Variants in RYR2 observed in about 807,000 individuals in gnomAD.
RYR2 encodes ryanodine receptor 2.
Under a neutral mutation model 601.1 loss-of-function variants are expected in RYR2, and 227 were observed. The observed-to-expected ratio is 0.38, with a 90% confidence interval of 0.34 to 0.42. RYR2 has a LOEUF of 0.42. RYR2 is among the 10% of genes least tolerant of loss of function. RYR2 has a pLI of 1.00. For missense variants in RYR2, 4,646 were observed against 6,156.5 expected, an observed-to-expected ratio of 0.75 and a Z score of 8.21; for synonymous variants, 2,223 against 2,175.1, an observed-to-expected ratio of 1.02 and a Z score of -0.61.
chr1:237,522,327 A>G (rs1304330041), intron 24 of RYR2, among the ~76,000 whole-genome samples: 2 of 152,240 alleles, frequency 1.3e-5, no homozygotes. Flanking sequence ...AAGAAATCTC[A>G]TAATATTTTA....
At chr1:237,377,908 A>G (rs1232861925) in intron 8 of RYR2, among the ~76,000 whole-genome samples, 1 of 152,238 alleles carries the variant, frequency 6.6e-6, no homozygotes, top group Admixed American at 6.5e-5. Context: ...TCTATCATTG[A>G]CACTGCATTG....
intron 33 of RYR2, among the ~76,000 whole-genome samples, chr1:237,594,886 G>GTTTTTTTTTTTTTTTTTTTTT (rs776702428): frequency 1.7e-5 from 1 of 60,418 alleles, no homozygotes; most frequent in Admixed American, 2.3e-4. Flanking sequence ...ATATCACTGG[G>GTTTTTTTTTTTTTTTTTTTTT]TTTTTTTTTT....
intron 29 of RYR2, among the ~76,000 whole-genome samples, chr1:237,574,019 C>G (rs1308154454): frequency 1.3e-5 from 2 of 152,078 alleles, no homozygotes; most frequent in East Asian, 3.9e-4. Context: ...TGGTCAAGAT[C>G]AAGAGCATTG....
intron 61 of RYR2, among the ~76,000 whole-genome samples, chr1:237,678,798 A>T (rs1237343081): frequency 6.6e-6 from 1 of 152,190 alleles, no homozygotes; most frequent in Non-Finnish European, 1.5e-5. Flanking sequence ...GGCCATGAAT[A>T]TACAAATGCC....
intron 42 of RYR2, among the ~76,000 whole-genome samples, chr1:237,632,799 C>A (rs775049824): frequency 3.9e-5 from 6 of 152,034 alleles, no homozygotes; most frequent in Non-Finnish European, 7.4e-5. Context: ...ATTTTATAAC[C>A]TCTGATATGA....
chr1:237,799,817 G>T (rs936034383), intron 97 of RYR2, among the ~76,000 whole-genome samples: 1 of 152,148 alleles, frequency 6.6e-6, no homozygotes, highest in East Asian at 1.9e-4. Context: ...CTCCATTCCT[G>T]GGGGTGGAAT....
At chr1:237,189,345 A>T (rs1679715445) in intron 1 of RYR2, among the ~76,000 whole-genome samples, 1 of 152,212 alleles carries the variant, frequency 6.6e-6, no homozygotes, top group Non-Finnish European at 1.5e-5. Context: ...AGCTATTGTG[A>T]ATCATGCTGC....
At chr1:237,828,478 G>T in intron 102 of RYR2, 33 bp downstream of exon 102, 4 of 1,447,602 alleles carry the variant, frequency 2.8e-6, no homozygotes, top group Non-Finnish European at 3.8e-6. Flanking sequence ...CAGCTTCTTT[G>T]TTGTCCTGGG....
chr1:237,313,140 TGTAA>T (rs1338863685), intron 2 of RYR2, among the ~76,000 whole-genome samples: 3 of 151,658 alleles, frequency 2.0e-5, no homozygotes, highest in Non-Finnish European at 2.9e-5. Context: ...AAATAAGATA[TGTAA>T]GTATTGAAGT....
chr1:237,629,713 A>G (rs1370189704), intron 41 of RYR2, among the ~76,000 whole-genome samples: 1 of 152,176 alleles, frequency 6.6e-6, no homozygotes, highest in Non-Finnish European at 1.5e-5. Context: ...CTTTGACAGA[A>G]CTCAAATACA....
chr1:237,055,232 G>C (rs1284405653), intron 1 of RYR2, among the ~76,000 whole-genome samples: 1 of 152,124 alleles, frequency 6.6e-6, no homozygotes, highest in Non-Finnish European at 1.5e-5. Flanking sequence ...TGTCATCCTG[G>C]GGGGACTGGG....
At chr1:237,779,949 T>C (rs1694965262) in intron 88 of RYR2, among the ~76,000 whole-genome samples, 1 of 152,190 alleles carries the variant, frequency 6.6e-6, no homozygotes. Flanking sequence ...AGACCAGCTA[T>C]GTCTGCTAAC....
At chr1:237,327,835 T>A (rs1254473640) in intron 2 of RYR2, among the ~76,000 whole-genome samples, 1 of 151,970 alleles carries the variant, frequency 6.6e-6, no homozygotes, top group East Asian at 1.9e-4. Context: ...TATTATCCAA[T>A]TTTTTTTAGG....
At chr1:237,221,693 T>C (rs1166294503) in intron 1 of RYR2, among the ~76,000 whole-genome samples, 1 of 152,186 alleles carries the variant, frequency 6.6e-6, no homozygotes, top group African/African-American at 2.4e-5. Flanking sequence ...TCATACCTAG[T>C]TCTTTGTTTA....
chr1:237,182,310 C>T (rs767991018), intron 1 of RYR2, among the ~76,000 whole-genome samples: 5 of 151,832 alleles, frequency 3.3e-5, no homozygotes, highest in Admixed American at 2.6e-4. Context: ...TTAGTAGAGA[C>T]GGGATTTTAC....
intron 29 of RYR2, among the ~76,000 whole-genome samples, chr1:237,584,713 T>C (rs901582222): frequency 7.1e-6 from 1 of 139,868 alleles, no homozygotes; most frequent in African/African-American, 2.7e-5. Flanking sequence ...TAGTCTAGAG[T>C]AGTGTGGAGT....
At chr1:237,537,721 G>C (rs144278775) in intron 25 of RYR2, among the ~76,000 whole-genome samples, 113 of 152,138 alleles carry the variant, frequency 7.4e-4, no homozygotes, top group African/African-American at 2.7e-3. Flanking sequence ...ATACTCCTTA[G>C]AGCCAAAAAA....
intron 70 of RYR2, 27 bp downstream of exon 70, chr1:237,709,594 C>T (rs774926650): frequency 1.4e-5 from 20 of 1,467,744 alleles, no homozygotes; most frequent in Middle Eastern, 1.7e-4. Flanking sequence ...TGATAGATCA[C>T]GCCTACTGTT....
At chr1:237,105,626 G>A (rs560433635) in intron 1 of RYR2, among the ~76,000 whole-genome samples, 1 of 152,062 alleles carries the variant, frequency 6.6e-6, no homozygotes, top group Admixed American at 6.6e-5. Context: ...GAGGTCAGGA[G>A]ATCGAGACCA....
Sources: allele counts gnomAD v4.1 joint callset (sites outside exome capture counted in the v4.1 genomes callset), GRCh38; gene constraint gnomAD v4.1.1; transcripts MANE v1.5; gene names NCBI Gene and HGNC (gene_info 2026-07-23, HGNC 2026-07-21).